The following AMMECR1 variants were observed in gnomAD, a reference collection of about 807,000 sequenced individuals.
The protein encoded by AMMECR1 is AMMECR nuclear protein 1.
A neutral mutation model predicts 22.5 loss-of-function variants in AMMECR1; 3 were observed. The ratio of observed to expected loss-of-function variants is 0.13; its 90% CI spans 0.06 to 0.35. The LOEUF is 0.35. AMMECR1 is among the 10% of genes least tolerant of loss of function. The pLI, the probability that AMMECR1 is intolerant of heterozygous loss-of-function variation, is 1.00. For missense variants in AMMECR1, 235 were observed against 278.7 expected, an observed-to-expected ratio of 0.84 and a Z score of 1.12; for synonymous variants, 130 against 116.7, an observed-to-expected ratio of 1.11 and a Z score of -0.74.
intron 2 of AMMECR1, among the ~76,000 whole-genome samples, chrX:110,421,226 T>C (rs904083364): frequency 8.9e-6 from 1 of 112,622 alleles, no homozygotes; most frequent in East Asian, 2.8e-4. Flanking sequence ...AGGATTTAAC[T>C]CTTTTCATGC....
chrX:110,415,812 G>C (rs1192843281), intron 2 of AMMECR1, among the ~76,000 whole-genome samples: 1 of 111,268 alleles, frequency 9.0e-6, no homozygotes, highest in Non-Finnish European at 1.9e-5. Context: ...CTATAGCTTT[G>C]GGAGTCAGGT....
At chrX:110,386,192 T>G (rs1333820188) in intron 2 of AMMECR1, among the ~76,000 whole-genome samples, 1 of 110,956 alleles carries the variant, frequency 9.0e-6, no homozygotes. Context: ...GTTTAATGGT[T>G]TGAGGAACCA....
intron 2 of AMMECR1, among the ~76,000 whole-genome samples, chrX:110,378,346 T>TC (rs1229424617): frequency 9.0e-6 from 1 of 111,435 alleles, no homozygotes; most frequent in Non-Finnish European, 1.9e-5. Flanking sequence ...ATCTACTCTC[T>TC]CCTTGACTGT....
intron 2 of AMMECR1, among the ~76,000 whole-genome samples, chrX:110,340,158 G>A (rs2068158846): frequency 9.0e-6 from 1 of 110,803 alleles, no homozygotes; most frequent in African/African-American, 3.3e-5. Flanking sequence ...TGATGATGGT[G>A]GTGGTGATGA....
chrX:110,279,396 G>C (rs1423718646), intron 1 of AMMECR1, among the ~76,000 whole-genome samples: 1 of 112,198 alleles, frequency 8.9e-6, no homozygotes, highest in South Asian at 3.7e-4. Context: ...CTGTAATCCA[G>C]GACAGTAAAA....
At chrX:110,216,881 C>T (rs1444687898) in intron 2 of AMMECR1, among the ~76,000 whole-genome samples, 2 of 111,063 alleles carry the variant, frequency 1.8e-5, no homozygotes, top group East Asian at 2.8e-4. Context: ...TCATCAATTA[C>T]ATTTCCTGTA....
At chrX:110,325,366 T>A (rs1389202242) in intron 2 of AMMECR1, among the ~76,000 whole-genome samples, 4 of 112,087 alleles carry the variant, frequency 3.6e-5, no homozygotes, top group Non-Finnish European at 7.5e-5. Flanking sequence ...TATTGTGCTA[T>A]CAAATACCAG....
At chrX:110,266,223 G>A (rs1304161390) in intron 1 of AMMECR1, among the ~76,000 whole-genome samples, 1 of 109,054 alleles carries the variant, frequency 9.2e-6, no homozygotes, top group African/African-American at 3.4e-5. Context: ...ACTAACCACT[G>A]ATCAGGAAGA....
chrX:110,280,778 G>T (rs746402917), intron 1 of AMMECR1, among the ~76,000 whole-genome samples: 1 of 111,592 alleles, frequency 9.0e-6, no homozygotes, highest in East Asian at 2.8e-4. Flanking sequence ...CAACTGAATT[G>T]CATAAACATT....
intron 2 of AMMECR1, among the ~76,000 whole-genome samples, chrX:110,397,874 A>T (rs750790744): frequency 8.9e-6 from 1 of 111,758 alleles, no homozygotes; most frequent in Non-Finnish European, 1.9e-5. Flanking sequence ...ACTTATTTGG[A>T]TATGTCAGGG....
At chrX:110,357,089 T>A (rs1298476967) in intron 2 of AMMECR1, among the ~76,000 whole-genome samples, 3 of 112,149 alleles carry the variant, frequency 2.7e-5, no homozygotes, top group Non-Finnish European at 5.6e-5. Flanking sequence ...AAATGAGAAC[T>A]GAGTATGTAT....
rs756857288 is a variant in AMMECR1, at chrX:110,219,119, A to AT, written c.585-2488dup. 3.5e-3 allele frequency among the ~76,000 whole-genome samples: 391 copies of AT among 111,828 alleles called. 2 individuals carry two copies. Among genetic ancestry groups the AT allele is most frequent in the African/African-American group, 0.012 (379 of 30,887 alleles). ...CTAGGGAATTGATGTATAAGTTTTA[A>AT]TGTGGATGTATGTTTTCATTTCTCT... On this transcript the variant is annotated intron_variant, in intron 2 of 5. Transcript: ENST00000262844.
At chrX:110,312,974 A>G (rs1039225838) in intron 1 of AMMECR1, among the ~76,000 whole-genome samples, 1 of 112,540 alleles carries the variant, frequency 8.9e-6, no homozygotes, top group Non-Finnish European at 1.9e-5. Flanking sequence ...ATTCTGGTCA[A>G]TCTTCATCAG....
chrX:110,281,948 AAT>A (rs1440748550), intron 1 of AMMECR1, among the ~76,000 whole-genome samples: 46 of 112,320 alleles, frequency 4.1e-4, no homozygotes, highest in African/African-American at 1.5e-3. Context: ...GTAAGGGCTA[AAT>A]ATGTTTGCTG....
At chrX:110,327,819 A>G (rs1465398379) in intron 2 of AMMECR1, among the ~76,000 whole-genome samples, 1 of 111,902 alleles carries the variant, frequency 8.9e-6, no homozygotes, top group Non-Finnish European at 1.9e-5. Flanking sequence ...GCAATTCTTG[A>G]ACAGAAACAC....
chrX:110,417,469 C>A (rs142288699), intron 2 of AMMECR1, among the ~76,000 whole-genome samples: 1 of 110,121 alleles, frequency 9.1e-6, no homozygotes, highest in Non-Finnish European at 1.9e-5. Flanking sequence ...GGTGTGCAGA[C>A]GCAAATGAGC....
intron 3 of AMMECR1, among the ~76,000 whole-genome samples, chrX:110,208,633 C>T (rs1221957775): frequency 8.9e-6 from 1 of 112,196 alleles, no homozygotes; most frequent in Non-Finnish European, 1.9e-5. Context: ...ATAGCTGACA[C>T]ACAGCTTTAA....
chrX:110,252,288 A>G (rs891945576), intron 2 of AMMECR1, among the ~76,000 whole-genome samples: 1 of 111,112 alleles, frequency 9.0e-6, no homozygotes, highest in African/African-American at 3.3e-5. Flanking sequence ...AAAAATAAGT[A>G]AAATGAAAAA....
chrX:110,329,985 C>G (rs1377344887), intron 2 of AMMECR1, among the ~76,000 whole-genome samples: 1 of 111,819 alleles, frequency 8.9e-6, no homozygotes, highest in South Asian at 3.7e-4. Flanking sequence ...GTTTTCTCTA[C>G]TCCTGCTCTG....
Sources: allele counts gnomAD v4.1 joint callset (sites outside exome capture counted in the v4.1 genomes callset), GRCh38; gene constraint gnomAD v4.1.1; transcripts MANE v1.5; gene names NCBI Gene and HGNC (gene_info 2026-07-23, HGNC 2026-07-21).